The following ATRAID variants were observed in gnomAD, a reference collection of about 807,000 sequenced individuals.
ATRAID encodes the protein all-trans retinoic acid induced differentiation factor.
In ATRAID, 26 loss-of-function variants were observed where a neutral mutation model predicts 28.8. The observed-to-expected ratio is 0.90, with a 90% CI of 0.66 to 1.25. ATRAID has a LOEUF of 1.25. Ranked by LOEUF, ATRAID falls within the 50% of genes most tolerant of loss-of-function variation. The probability of loss-of-function intolerance (pLI) is 0.00; values close to 1 mark genes in which losing one functional copy is unlikely to be tolerated. For synonymous variants in ATRAID, 131 were observed against 108.5 expected, an observed-to-expected ratio of 1.21 and a Z score of -1.29; for missense variants, 308 against 285.9, an observed-to-expected ratio of 1.08 and a Z score of -0.56.
At chr2:27,215,849 A>C (rs1361421294) in intron 5 of ATRAID, 96 bp downstream of exon 5, 1 of 1,481,492 alleles carries the variant, frequency 6.7e-7, no homozygotes, top group African/African-American at 1.4e-5. Context: ...AGCGCCTTTC[A>C]TTCAGAGTTC....
rs899119256 is a variant in ATRAID at position 27,212,160 on chromosome 2, G to A, written c.-209G>A. 16 of 1,535,382 alleles carry A rather than the reference G, an allele frequency of 1.0e-5. No individual in the cohort carries two copies. The highest frequency in any genetic ancestry group is 2.5e-5 in the East Asian group (1 of 39,868). On this transcript the variant is annotated 5_prime_UTR_variant, in exon 1 of 7. Transcript: ENST00000380171. Reference sequence around the variant, plus strand: ...GGGAGGCCTTCACTAAAGGGGAAAAGGAAGAGGGGGTCGGCCAGTATCCCC... The same window carrying A: ...GGGAGGCCTTCACTAAAGGGGAAAAAGAAGAGGGGGTCGGCCAGTATCCCC...
chr2:27,213,118 C>T (rs1375219714), intron 1 of ATRAID, 59 bp from the exon 2 acceptor site: 1 of 1,587,718 alleles, frequency 6.3e-7, no homozygotes, highest in Admixed American at 1.7e-5. Context: ...TCTTGATCGC[C>T]GTTTGTTCTT....
chr2:27,214,867 C>T (rs1018029359), intron 2 of ATRAID, among the ~76,000 whole-genome samples: 2 of 152,162 alleles, frequency 1.3e-5, no homozygotes, highest in African/African-American at 4.8e-5. Flanking sequence ...GAAAATGTTC[C>T]GTATCTGTAC....
Position 27,215,332 on chromosome 2 carries a change from A to C in ATRAID, c.233A>C (p.Gln78Pro). 1 of 1,614,178 alleles carries C rather than the reference A, an allele frequency of 6.2e-7. No individual in the cohort carries two copies. Residue 78 changes from glutamine (Q) to proline (P), a missense_variant, in exon 3 of 7, where the codon CAG becomes CCG. Transcript: ENST00000380171. Reference sequence around the variant, plus strand: ...CTTTATTTCCTCAGGCTGGATCTCCAGAACTGTTCTCTGGAGGACCCTGGT... The same window carrying C: ...CTTTATTTCCTCAGGCTGGATCTCCCGAACTGTTCTCTGGAGGACCCTGGT... ...QKGTILGLDL[Q>P]NCSLEDPGPN...
At position 27,216,619 on chromosome 2, in the gene ATRAID, A is replaced by T; in HGVS notation, c.584A>T (p.Gln195Leu). Residue 195 changes from glutamine to leucine, a missense_variant and splice_region_variant, in exon 6 of 7, where the codon CAG (glutamine) becomes CTG (leucine). Coordinates refer to ENST00000380171, the MANE Select transcript of ATRAID (RefSeq NM_001170795.4). ...DGFHGYKCMRQGSFSLLMFFG... is the reference protein window; with the variant it reads ...DGFHGYKCMRLGSFSLLMFFG... ...TTCCATGGATACAAGTGTATGCGCC[A>T]GGTGAGGAATTAGGCCGTCTAACTA... The T allele has an allele frequency of 6.2e-7, 1 of 1,612,970 alleles. No homozygotes were observed. The highest frequency in any genetic ancestry group is 2.2e-5 in the East Asian group (1 of 44,884).
intron 1 of ATRAID, 184 bp from the exon 2 acceptor site, chr2:27,212,991 CTG>C: frequency 2.9e-6 from 2 of 697,170 alleles, no homozygotes; most frequent in Non-Finnish European, 4.6e-6. Flanking sequence ...GCGCAGGACT[CTG>C]GAGGAAGAGA....
chr2:27,216,671 T>G (rs1674852522), intron 6 of ATRAID, 51 bp downstream of exon 6: 1 of 1,541,232 alleles, frequency 6.5e-7, no homozygotes, highest in Non-Finnish European at 9.0e-7. Context: ...ATAGAGCAAG[T>G]CTTCTCAGAA....
rs1306398817 is a variant in ATRAID, at chr2:27,217,054, AG to A, written c.*108del. 5.3e-6 allele frequency: 5 copies of A among 951,554 alleles called. No homozygotes were observed. Among genetic ancestry groups the A allele is most frequent in the Admixed American group, 5.5e-5 (2 of 36,210 alleles). 58.9% of individuals were successfully genotyped at this position (951,554 alleles called of 1,614,324 possible). A position where few individuals can be genotyped will look rare whatever the true frequency, so the allele number is the denominator to read the frequency against. ...ATCTTTCGCCAGTGGATTCGCCTCA[AG>A]GTTGAGGCCGCCATTGGAAGATGAA... On this transcript the variant is annotated 3_prime_UTR_variant, in exon 7 of 7. Transcript: ENST00000380171.
chr2:27,214,835 G>A (rs1353222518), intron 2 of ATRAID, among the ~76,000 whole-genome samples: 1 of 152,254 alleles, frequency 6.6e-6, no homozygotes, highest in Non-Finnish European at 1.5e-5. Flanking sequence ...TTGGGCAACA[G>A]AGTAAGACTG....
At chr2:27,214,042 T>A (rs2148043993) in intron 2 of ATRAID, among the ~76,000 whole-genome samples, 1 of 152,316 alleles carries the variant, frequency 6.6e-6, no homozygotes, top group South Asian at 2.1e-4. Flanking sequence ...ACCTCCTGGG[T>A]TCAAGCGATT....
intron 1 of ATRAID, chr2:27,212,730 A>T (rs1558519322): frequency 4.6e-6 from 5 of 1,097,768 alleles, no homozygotes; most frequent in South Asian, 3.8e-5. Flanking sequence ...CTTTCTACAG[A>T]CGGGTCCTCT....
intron 1 of ATRAID, 77 bp from the exon 2 acceptor site, chr2:27,213,100 C>A: frequency 6.4e-7 from 1 of 1,556,046 alleles, no homozygotes; most frequent in Non-Finnish European, 8.8e-7. Flanking sequence ...CGTGTACTGG[C>A]AGTTAATTCT....
At chr2:27,212,753 A>ATC in intron 1 of ATRAID, 1 of 900,548 alleles carries the variant, frequency 1.1e-6, no homozygotes, top group Non-Finnish European at 1.5e-6. Flanking sequence ...CTCTTGTGTA[A>ATC]TCTCTCTACG....
chr2:27,212,170 G>C lies in ATRAID; in HGVS notation c.-199G>C, dbSNP rs376975254. 2 of 1,536,526 alleles carry C rather than the reference G, an allele frequency of 1.3e-6. No homozygotes were observed. The highest frequency in any genetic ancestry group is 2.1e-5 in the Admixed American group (1 of 47,626). Reference sequence around the variant, plus strand: ...CACTAAAGGGGAAAAGGAAGAGGGGGTCGGCCAGTATCCCCGAAAGAGGGC... The same window carrying C: ...CACTAAAGGGGAAAAGGAAGAGGGGCTCGGCCAGTATCCCCGAAAGAGGGC... On this transcript the variant is annotated 5_prime_UTR_variant, in exon 1 of 7. Transcript: ENST00000380171.
In ATRAID at chr2:27,215,489, C is replaced by T; in HGVS notation, c.309C>T (p.Asn103=). 3 of 1,614,200 alleles carry T rather than the reference C, an allele frequency of 1.9e-6. No individual in the cohort carries two copies. Among genetic ancestry groups the T allele is most frequent in the Non-Finnish European group, 2.5e-6 (3 of 1,180,032 alleles). ...TACTTTGCAGAGACCTGCAAGCAAA[C>T]CCCCTCAAAGGTGACTTGGCCAACA... ...HTTVIIDLQA[N]PLKGDLANTF... Residue 103 remains asparagine, a synonymous_variant, in exon 4 of 7, where the codon AAC becomes AAT. Coordinates refer to ENST00000380171, the MANE Select transcript of ATRAID (RefSeq NM_001170795.4).
At chr2:27,215,187 T>C (rs1366568082) in intron 2 of ATRAID, 134 bp from the exon 3 acceptor site, 1 of 817,552 alleles carries the variant, frequency 1.2e-6, no homozygotes, top group Non-Finnish European at 2.0e-6. Context: ...CTACCACAGC[T>C]CCTAGTGTGT....
chr2:27,215,693 T>C lies in ATRAID; in HGVS notation c.427T>C (p.Tyr143His). 6.2e-7 allele frequency: 1 copy of C among 1,614,230 alleles called. No homozygotes were observed. Among genetic ancestry groups the C allele is most frequent in the Non-Finnish European group, 8.5e-7 (1 of 1,180,034 alleles). Residue 143 changes from tyrosine to histidine, a missense_variant, in exon 5 of 7, where the codon TAT becomes CAT. Tyr to His is a moderately conservative substitution (Grantham distance 83, BLOSUM62 2). Transcript: ENST00000380171. ...TAATGCCTGGAATACTATCACCTCT[T>C]ATATAGACAACCAAATCTGTCAAGG... is the stretch of plus-strand genomic sequence containing the variant. Reference protein sequence around the residue: ...GINAWNTITSYIDNQICQGQK... With the variant: ...GINAWNTITSHIDNQICQGQK...
At chr2:27,212,556 G>C (rs1674624947) in intron 1 of ATRAID, 89 bp downstream of exon 1, 2 of 1,492,488 alleles carry the variant, frequency 1.3e-6, no homozygotes, top group Non-Finnish European at 1.8e-6. Flanking sequence ...TCTCCTCGGC[G>C]GGCCTGCGGT....
rs557853797 is a variant in ATRAID at position 27,215,302 on chromosome 2, G to C, written c.222-19G>C. 1.2e-6 allele frequency: 2 copies of C among 1,612,326 alleles called. No individual in the cohort carries two copies. The highest frequency in any genetic ancestry group is 4.5e-5 in the East Asian group (2 of 44,872). On this transcript the variant is annotated intron_variant, in intron 2 of 6. Transcript: ENST00000380171. Reference sequence around the variant, plus strand: ...AAAAAGAGGAACACACAGTTATATTGATTACTTTATTTCCTCAGGCTGGAT... The same window carrying C: ...AAAAAGAGGAACACACAGTTATATTCATTACTTTATTTCCTCAGGCTGGAT...
Sources: allele counts gnomAD v4.1 joint callset (sites outside exome capture counted in the v4.1 genomes callset), GRCh38; gene constraint gnomAD v4.1.1; transcripts MANE v1.5; gene names NCBI Gene and HGNC (gene_info 2026-07-23, HGNC 2026-07-21).